The following NFS1 variants were observed in gnomAD, a reference collection of about 807,000 sequenced individuals.
NFS1 encodes the protein cysteine desulfurase.
A neutral mutation model predicts 57.3 loss-of-function variants in NFS1; 26 were observed. That is an observed-to-expected ratio of 0.45 (90% CI 0.33 to 0.63). The LOEUF (loss-of-function observed/expected upper bound fraction) is 0.63, where lower values mean the gene tolerates loss of function less well. Ranked by LOEUF, NFS1 falls within the 20% of genes least tolerant of loss-of-function variation. The probability of loss-of-function intolerance (pLI) is 0.02; values close to 1 mark genes in which losing one functional copy is unlikely to be tolerated. For synonymous variants in NFS1, 209 were observed against 216.3 expected, an observed-to-expected ratio of 0.97 and a Z score of 0.30; for missense variants, 505 against 605.8, an observed-to-expected ratio of 0.83 and a Z score of 1.75.
At chr20:35,674,132 A>T (rs556154574) in intron 10 of NFS1, 5 of 557,360 alleles carry the variant, frequency 9.0e-6, no homozygotes, top group Non-Finnish European at 1.3e-5. Flanking sequence ...GGACGATAAA[A>T]GGCACAAAAT....
intron 11 of NFS1, among the ~76,000 whole-genome samples, chr20:35,673,105 T>C (rs1255911995): frequency 1.3e-5 from 2 of 152,048 alleles, no homozygotes; most frequent in Non-Finnish European, 2.9e-5. Context: ...CTGGCCAACA[T>C]GGTGAAACCC....
At chr20:35,694,786 G>C (rs554400438) in intron 4 of NFS1, 1 of 152,338 alleles carries the variant, frequency 6.6e-6, no homozygotes, top group African/African-American at 2.4e-5. Context: ...CTACTCAGGA[G>C]GCTGAGGCAG....
At position 35,698,462 on chromosome 20, in the gene NFS1, G is replaced by A. The variant is rs768781855; in HGVS notation, c.207+19C>T. ...CATTTACTTCCTATAAGCAGCCTTGGGAAAAGCTTCATCCTTACCAGAGGA... is the reference window on the plus strand; with the variant it reads ...CATTTACTTCCTATAAGCAGCCTTGAGAAAAGCTTCATCCTTACCAGAGGA... On this transcript the variant is annotated intron_variant, in intron 2 of 12. Transcript: ENST00000374092. 10 of 1,562,306 alleles carry A rather than the reference G, an allele frequency of 6.4e-6. No homozygotes were observed. The highest frequency in any genetic ancestry group is 8.7e-6 in the Non-Finnish European group (10 of 1,146,454).
rs556700357 is a variant in NFS1 at position 35,669,834 on chromosome 20, G to A, written c.1311-149C>T. On this transcript the variant is annotated intron_variant, in intron 12 of 12. Coordinates refer to ENST00000374092, the MANE Select transcript of NFS1 (RefSeq NM_021100.5). ...GGTAGACCCTAACACAGGTGGTTAA[G>A]GTATCCTGAGCTCTCCAGCTCCCTG... The A allele has an allele frequency of 1.3e-4, 93 of 689,296 alleles. No individual in the cohort carries two copies. The South Asian group carries it at 1.6e-3, about 12-fold the overall frequency. 42.7% of individuals were successfully genotyped at this position (689,296 alleles called of 1,614,324 possible).
intron 2 of NFS1, 148 bp downstream of exon 2, chr20:35,698,333 C>T (rs1248957197): frequency 4.7e-6 from 3 of 644,330 alleles, no homozygotes; most frequent in Non-Finnish European, 5.4e-6. Flanking sequence ...CCAGTGGCCT[C>T]GAATTTAAGC....
intron 10 of NFS1, chr20:35,674,022 A>C (rs940239528): frequency 8.8e-6 from 4 of 452,960 alleles, no homozygotes; most frequent in African/African-American, 2.0e-5. Flanking sequence ...CACCAGCCTG[A>C]AGGGCAGCCA....
intron 5 of NFS1, among the ~76,000 whole-genome samples, chr20:35,683,811 A>G (rs1174288276): frequency 2.7e-5 from 4 of 149,574 alleles, no homozygotes; most frequent in Non-Finnish European, 5.9e-5. Flanking sequence ...AAAAAAAAAA[A>G]AGAAAGAAAG....
At chr20:35,671,132 C>T (rs2034646450) in intron 12 of NFS1, among the ~76,000 whole-genome samples, 1 of 152,210 alleles carries the variant, frequency 6.6e-6, no homozygotes, top group African/African-American at 2.4e-5. Context: ...GAGACAGAGT[C>T]TTGCTCTGTC....
At chr20:35,691,731 T>C (rs1355512136) in intron 4 of NFS1, among the ~76,000 whole-genome samples, 1 of 87,108 alleles carries the variant, frequency 1.1e-5, no homozygotes, top group African/African-American at 5.1e-5. Flanking sequence ...AGAGCGAGAC[T>C]GCATCTCAAA....
intron 4 of NFS1, among the ~76,000 whole-genome samples, chr20:35,695,530 A>G (rs1401715291): frequency 6.6e-6 from 1 of 152,242 alleles, no homozygotes; most frequent in African/African-American, 2.4e-5. Flanking sequence ...CATTAGCACC[A>G]AAGATCTTCT....
chr20:35,681,979 T>C lies in NFS1; in HGVS notation c.564A>G (p.Glu188=), dbSNP rs1317600442. ...TATCTGGCTGGATAGCAGCCTCTAG[T>C]TCCTAGGGATATGCAGGAGTAAGGT... ...VQKSGIIDLK[E]LEAAIQPDTS... The change falls in exon 6 of 13, where the codon GAA becomes GAG. Residue 188 remains glutamate, a splice_region_variant and synonymous_variant. Transcript: ENST00000374092. The C allele has an allele frequency of 3.1e-6, 5 of 1,591,710 alleles. No homozygotes were observed. The South Asian group carries it at 3.3e-5, about 11-fold the overall frequency.
At chr20:35,698,757 A>G (rs1336257998) in intron 1 of NFS1, 167 bp from the exon 2 acceptor site, 2 of 1,413,810 alleles carry the variant, frequency 1.4e-6, no homozygotes, top group East Asian at 2.8e-5. Context: ...GACACGCTGT[A>G]AAAGGAGGTA....
intron 4 of NFS1, chr20:35,694,753 G>A (rs892500416): frequency 2.0e-5 from 3 of 152,150 alleles, no homozygotes; most frequent in Admixed American, 6.6e-5. Context: ...GCCGGGTGTG[G>A]TGGAGGGCGC....
chr20:35,669,734 C>T (rs776317588), intron 12 of NFS1, 49 bp from the exon 13 acceptor site: 6 of 1,555,694 alleles, frequency 3.9e-6, no homozygotes, highest in South Asian at 2.2e-5. Context: ...GATAGGAAGT[C>T]GACAACATTG....
chr20:35,673,042 G>A (rs2034683552), intron 11 of NFS1, among the ~76,000 whole-genome samples, 198 bp from the exon 12 acceptor site: 1 of 152,082 alleles, frequency 6.6e-6, no homozygotes, highest in South Asian at 2.1e-4. Flanking sequence ...AATTCCAACA[G>A]TTTGGGAGGC....
chr20:35,676,758 G>GAAAAAAAAAAAAAAAAAAAA (rs746820595), intron 7 of NFS1, among the ~76,000 whole-genome samples: 4 of 18,132 alleles, frequency 2.2e-4, no homozygotes, highest in African/African-American at 5.1e-4. Context: ...GAGAAAATCA[G>GAAAAAAAAAAAAAAAAAAAA]AAAAAAAAAA....
chr20:35,685,535 A>G lies in NFS1; in HGVS notation c.562-3554T>C, dbSNP rs540450669. Among the ~76,000 whole-genome samples, 4 of 144,074 alleles carry G rather than the reference A, an allele frequency of 2.8e-5. No individual in the cohort carries two copies. The East Asian group carries it at 7.9e-4, about 29-fold the overall frequency. The allele number at this position is 144,074 out of a possible 152,430, so 94.5% of individuals were successfully genotyped here. On this transcript the variant is annotated intron_variant, in intron 5 of 12. Transcript: ENST00000374092. The stretch of plus-strand genomic sequence containing the variant: ...AGACCATGTCTCATAAAAAAAAATT[A>G]TATATTATATATATAAAATATTTTA...
rs553571530 is a variant in NFS1 at position 35,678,699 on chromosome 20, T to C, written c.790+2038A>G. Among the ~76,000 whole-genome samples the C allele has an allele frequency of 3.4e-4, 52 of 151,598 alleles. No individual in the cohort carries two copies. In the East Asian group the frequency reaches 9.1e-3, roughly 27 times the overall value. Reference sequence around the variant, plus strand: ...GCCTGGGCGTCAGAGTAAGACTTTGTCTCAAAAAAAAAAATTAGGCGTGTT... The same window carrying C: ...GCCTGGGCGTCAGAGTAAGACTTTGCCTCAAAAAAAAAAATTAGGCGTGTT... On this transcript the variant is annotated intron_variant, in intron 7 of 12. Coordinates refer to ENST00000374092, the MANE Select transcript of NFS1 (RefSeq NM_021100.5).
At chr20:35,697,649 T>A in intron 3 of NFS1, 35 bp downstream of exon 3, 1 of 1,456,318 alleles carries the variant, frequency 6.9e-7, no homozygotes, top group Non-Finnish European at 9.5e-7. Context: ...TGCCCCTCTT[T>A]GACCTTAGAA....
Sources: allele counts gnomAD v4.1 joint callset (sites outside exome capture counted in the v4.1 genomes callset), GRCh38; gene constraint gnomAD v4.1.1; transcripts MANE v1.5; gene names NCBI Gene and HGNC (gene_info 2026-07-23, HGNC 2026-07-21).